ZBTB20: variants seen among roughly 807,000 people sequenced by gnomAD.
ZBTB20 encodes the protein zinc finger and BTB domain containing 20, also known as zinc finger and BTB domain-containing protein 20.
ZBTB20 carries 9 observed loss-of-function variants against 56.9 expected under a neutral mutation model. The observed-to-expected ratio is 0.16, with a 90% CI of 0.10 to 0.28. The LOEUF (loss-of-function observed/expected upper bound fraction) is 0.28, where lower values mean the gene tolerates loss of function less well. ZBTB20 is among the 10% of genes least tolerant of loss of function. The pLI, the probability that ZBTB20 is intolerant of heterozygous loss-of-function variation, is 1.00. For synonymous variants in ZBTB20, 417 were observed against 420.7 expected, an observed-to-expected ratio of 0.99 and a Z score of 0.11; for missense variants, 655 against 1,003.0, an observed-to-expected ratio of 0.65 and a Z score of 4.69.
chr3:114,748,278 GCTTCTTTCTTT>G (rs1263833686), intron 5 of ZBTB20, among the ~76,000 whole-genome samples: 24 of 130,776 alleles, frequency 1.8e-4, no homozygotes, highest in South Asian at 2.6e-4. Context: ...TTTTGTTGTA[GCTTCTTTCTTT>G]CTTTCTTTCT....
Position 114,335,426 on chromosome 3 carries a change from T to G in ZBTB20, c.*3579A>C, listed in dbSNP as rs1159913895. On this transcript the variant is annotated 3_prime_UTR_variant, in exon 12 of 12. Transcript: ENST00000675478. ...TTTGAAGCAAATGTCTTTCCCTATTTCTAAAGATATTTGTGATTGTTTAAC... is the reference window on the plus strand; with the variant it reads ...TTTGAAGCAAATGTCTTTCCCTATTGCTAAAGATATTTGTGATTGTTTAAC... 1 of 152,242 alleles carries G rather than the reference T, an allele frequency of 6.6e-6. No individual in the cohort carries two copies. Among genetic ancestry groups the G allele is most frequent in the African/African-American group, 2.4e-5 (1 of 41,462 alleles). The allele number at this position is 152,242 out of a possible 1,614,324, so 9.4% of individuals were successfully genotyped here. A position where few individuals can be genotyped will look rare whatever the true frequency, so the allele number is the denominator to read the frequency against.
chr3:114,740,633 C>A (rs1209329331), intron 5 of ZBTB20, among the ~76,000 whole-genome samples: 3 of 152,146 alleles, frequency 2.0e-5, no homozygotes, highest in African/African-American at 4.8e-5. Flanking sequence ...ATATGGGCAA[C>A]TTTAAGCACC....
chr3:114,948,129 G>A (rs2076945651), intron 3 of ZBTB20, among the ~76,000 whole-genome samples: 1 of 145,208 alleles, frequency 6.9e-6, no homozygotes, highest in African/African-American at 2.8e-5. Context: ...TTTATTCTAA[G>A]AATGCAAGGG....
intron 3 of ZBTB20, among the ~76,000 whole-genome samples, chr3:114,965,979 T>C (rs908346945): frequency 1.3e-5 from 2 of 152,186 alleles, no homozygotes; most frequent in Non-Finnish European, 2.9e-5. Context: ...GTTAAGTGTT[T>C]GCTTTTAGAA....
chr3:114,742,455 T>C lies in ZBTB20; in HGVS notation c.-342-48880A>G, dbSNP rs2066678374. Among the ~76,000 whole-genome samples the C allele has an allele frequency of 3.3e-5, 5 of 152,292 alleles. No homozygotes were observed. In the South Asian group the frequency reaches 1.0e-3, roughly 32 times the overall value. ...CAGATAAGGAAACTGAGGTGCATTA[T>C]AATAGCAACAGCAGCTGATGTGTAG... On this transcript the variant is annotated intron_variant, in intron 5 of 11. Transcript: ENST00000675478.
chr3:114,598,274 A>C (rs995854627), intron 6 of ZBTB20, among the ~76,000 whole-genome samples: 12 of 152,130 alleles, frequency 7.9e-5, no homozygotes, highest in African/African-American at 2.9e-4. Flanking sequence ...CTTTAGACAT[A>C]GGTATAGAAG....
At chr3:114,535,306 GA>G (rs2048333962) in intron 6 of ZBTB20, among the ~76,000 whole-genome samples, 1 of 152,058 alleles carries the variant, frequency 6.6e-6, no homozygotes, top group South Asian at 2.1e-4. Flanking sequence ...TGATAAAGGG[GA>G]TATCACCACT....
intron 5 of ZBTB20, among the ~76,000 whole-genome samples, chr3:114,787,364 TATATACAC>T (rs1696129130): frequency 3.0e-5 from 3 of 99,582 alleles, no homozygotes; most frequent in African/African-American, 1.6e-4. Context: ...TATATATATA[TATATACAC>T]ACACACACAC....
intron 1 of ZBTB20, among the ~76,000 whole-genome samples, chr3:115,126,855 T>G (rs2084347280): frequency 6.6e-6 from 1 of 152,182 alleles, no homozygotes; most frequent in South Asian, 2.1e-4. Flanking sequence ...CACAGGTTAT[T>G]TCTTTTGATT....
intron 6 of ZBTB20, among the ~76,000 whole-genome samples, chr3:114,587,900 C>T (rs1184270697): frequency 6.6e-6 from 1 of 152,204 alleles, no homozygotes; most frequent in Non-Finnish European, 1.5e-5. Context: ...TGAGTTTCAT[C>T]AAGATGTCAT....
intron 5 of ZBTB20, among the ~76,000 whole-genome samples, chr3:114,700,189 C>T (rs573654919): frequency 2.0e-4 from 30 of 152,104 alleles, no homozygotes; most frequent in African/African-American, 7.0e-4. Context: ...TCATATATGG[C>T]CCTTCCTGAC....
intron 3 of ZBTB20, among the ~76,000 whole-genome samples, chr3:114,948,856 T>TA (rs1413011371): frequency 6.8e-6 from 1 of 146,172 alleles, no homozygotes; most frequent in Non-Finnish European, 1.5e-5. Flanking sequence ...CATTTATAGA[T>TA]TAGATATCAG....
At chr3:114,613,472 G>C (rs1361151185) in intron 6 of ZBTB20, among the ~76,000 whole-genome samples, 1 of 152,150 alleles carries the variant, frequency 6.6e-6, no homozygotes, top group Non-Finnish European at 1.5e-5. Context: ...ACTAGACCAT[G>C]CTTAACAGAA....
At chr3:114,843,054 T>C (rs2074457480) in intron 4 of ZBTB20, among the ~76,000 whole-genome samples, 1 of 152,158 alleles carries the variant, frequency 6.6e-6, no homozygotes, top group Admixed American at 6.5e-5. Context: ...TCTCTCTTTT[T>C]CTGTCCTTCT....
At chr3:114,443,981 A>T (rs568471761) in intron 7 of ZBTB20, among the ~76,000 whole-genome samples, 2 of 152,328 alleles carry the variant, frequency 1.3e-5, no homozygotes, top group South Asian at 4.1e-4. Flanking sequence ...TCATTAAAAG[A>T]TACAAAGTGT....
intron 10 of ZBTB20, among the ~76,000 whole-genome samples, chr3:114,365,883 CA>C (rs2082345425): frequency 6.6e-6 from 1 of 152,120 alleles, no homozygotes; most frequent in Non-Finnish European, 1.5e-5. Context: ...GCATGAAAAG[CA>C]GAGGGTATTT....
intron 7 of ZBTB20, among the ~76,000 whole-genome samples, chr3:114,427,546 T>G (rs1299286352): frequency 6.6e-6 from 1 of 152,254 alleles, no homozygotes; most frequent in Non-Finnish European, 1.5e-5. Context: ...AAAGCAGGAC[T>G]GCAATGCAGA....
At chr3:114,752,124 G>GT (rs1468055218) in intron 5 of ZBTB20, among the ~76,000 whole-genome samples, 1 of 152,132 alleles carries the variant, frequency 6.6e-6, no homozygotes, top group African/African-American at 2.4e-5. Flanking sequence ...ATTACATGAG[G>GT]TAAGTACCGT....
intron 5 of ZBTB20, among the ~76,000 whole-genome samples, chr3:114,778,496 A>G (rs2069806876): frequency 6.6e-6 from 1 of 151,970 alleles, no homozygotes; most frequent in African/African-American, 2.4e-5. Context: ...TTAATAAAGA[A>G]CTAAAAATAC....
Sources: gnomAD v4.1 joint callset for allele counts (sites outside exome capture counted in the v4.1 genomes callset) on GRCh38, gnomAD v4.1.1 for gene constraint, MANE v1.5 for transcripts, NCBI Gene and HGNC (gene_info 2026-07-23, HGNC 2026-07-21) for gene names.